AGBL1: variants seen among roughly 807,000 people sequenced by gnomAD.
AGBL1 encodes cytosolic carboxypeptidase 4.
AGBL1 carries 130 observed loss-of-function variants against 118.9 expected under a neutral mutation model. That is an observed-to-expected ratio of 1.09 (90% CI 0.95 to 1.26). AGBL1 has a LOEUF of 1.26. Among genes scored for constraint, AGBL1 ranks in the 50% most tolerant of loss-of-function variants. The pLI is 0.00. For synonymous variants in AGBL1, 555 were observed against 478.9 expected, an observed-to-expected ratio of 1.16 and a Z score of -2.08; for missense variants, 1,584 against 1,298.1, an observed-to-expected ratio of 1.22 and a Z score of -3.38.
At chr15:86,397,276 A>G (rs1425005341) in intron 17 of AGBL1, 90 bp from the exon 18 acceptor site, 1 of 935,078 alleles carries the variant, frequency 1.1e-6, no homozygotes, top group Non-Finnish European at 1.5e-6. Flanking sequence ...AAAAATTAGT[A>G]TCAAAGAAGC....
intron 22 of AGBL1, among the ~76,000 whole-genome samples, chr15:86,842,106 T>C (rs1290839885): frequency 6.6e-6 from 1 of 151,798 alleles, no homozygotes; most frequent in Non-Finnish European, 1.5e-5. Flanking sequence ...AAAAATACAA[T>C]CTAAATTCTT....
intron 18 of AGBL1, among the ~76,000 whole-genome samples, chr15:86,490,887 G>A (rs992797588): frequency 6.6e-6 from 1 of 152,060 alleles, no homozygotes; most frequent in African/African-American, 2.4e-5. Context: ...TGTAACTTCT[G>A]TGAGCTTCAG....
intron 22 of AGBL1, among the ~76,000 whole-genome samples, chr15:86,766,001 A>T (rs769712955): frequency 2.5e-4 from 38 of 151,996 alleles, no homozygotes; most frequent in Non-Finnish European, 4.6e-4. Context: ...TCTAATAGTT[A>T]ATAATAGTAA....
rs1475848747 is a variant in AGBL1 at position 86,389,927 on chromosome 15, TA to T, written c.2375-7437del. ...ATAGCTATATGCCAATATAAATCAT[TA>T]ATTATATCAAATGGAAATTTTGACT... On this transcript the variant is annotated intron_variant, in intron 17 of 22. Transcript: ENST00000614907. Among the ~76,000 whole-genome samples, 3 of 152,148 alleles carry T rather than the reference TA, an allele frequency of 2.0e-5. No individual in the cohort carries two copies. The South Asian group carries it at 6.2e-4, about 31-fold the overall frequency.
chr15:86,272,856 C>T (rs546837671), intron 15 of AGBL1, among the ~76,000 whole-genome samples: 114 of 152,124 alleles, frequency 7.5e-4, no homozygotes, highest in African/African-American at 2.7e-3. Context: ...TGTTGGTTTT[C>T]CATTCACCTA....
At chr15:86,080,200 A>T in intron 1 of AGBL1, 177 bp downstream of exon 1, 1 of 406,858 alleles carries the variant, frequency 2.5e-6, no homozygotes, top group South Asian at 1.4e-4. Flanking sequence ...ATGGAATTCA[A>T]ATATTAAACA....
At chr15:86,976,252 T>A (rs1284695159) in intron 23 of AGBL1, among the ~76,000 whole-genome samples, 1 of 150,784 alleles carries the variant, frequency 6.6e-6, no homozygotes, top group Non-Finnish European at 1.5e-5. Flanking sequence ...GTAGTATATA[T>A]GTATATATAT....
intron 22 of AGBL1, among the ~76,000 whole-genome samples, chr15:86,883,163 T>G (rs1341815533): frequency 6.6e-6 from 1 of 152,250 alleles, no homozygotes; most frequent in Admixed American, 6.5e-5. Flanking sequence ...TTTTTTAAAT[T>G]AAACAGCTAA....
chr15:86,837,252 C>T (rs1202355607), intron 22 of AGBL1, among the ~76,000 whole-genome samples: 2 of 149,708 alleles, frequency 1.3e-5, no homozygotes, highest in Admixed American at 6.7e-5. Flanking sequence ...CCATTTAGTA[C>T]AAAATGACTA....
At chr15:86,646,880 A>G (rs28457099) in intron 21 of AGBL1, among the ~76,000 whole-genome samples, 2,578 of 152,310 alleles carry the variant, frequency 0.017, 69 homozygotes, top group African/African-American at 0.058. Context: ...ACATTCTAAA[A>G]GATATATTTT....
chr15:87,009,556 GA>G (rs2081537206), intron 24 of AGBL1, among the ~76,000 whole-genome samples: 2 of 152,316 alleles, frequency 1.3e-5, no homozygotes, highest in South Asian at 4.1e-4. Flanking sequence ...GTGGAACTGT[GA>G]GAAGAGGCCC....
rs150545430 is a variant in AGBL1 at position 86,905,347 on chromosome 15, G to T, written c.3159-1740G>T. Among the ~76,000 whole-genome samples the T allele has an allele frequency of 1.2e-3, 177 of 152,256 alleles. 2 individuals are homozygous for T. In the East Asian group the frequency reaches 0.029, roughly 25 times the overall value. On this transcript the variant is annotated intron_variant, in intron 22 of 22. Coordinates refer to ENST00000614907, the MANE Select transcript of AGBL1 (RefSeq NM_001386094.1). Reference sequence around the variant, plus strand: ...GGCTCTGTTCATCAATACTCACATTGCACTAATAGGCAAGGGAGCATCATT... The same window carrying T: ...GGCTCTGTTCATCAATACTCACATTTCACTAATAGGCAAGGGAGCATCATT...
At chr15:86,800,598 C>T (rs1182472641) in intron 22 of AGBL1, among the ~76,000 whole-genome samples, 1 of 151,930 alleles carries the variant, frequency 6.6e-6, no homozygotes, top group Non-Finnish European at 1.5e-5. Flanking sequence ...AAAACTGGCC[C>T]TTATGTTTTC....
At chr15:86,136,949 T>C (rs1238073672) in intron 1 of AGBL1, among the ~76,000 whole-genome samples, 1 of 152,188 alleles carries the variant, frequency 6.6e-6, no homozygotes, top group Non-Finnish European at 1.5e-5. Context: ...CATTTTTTTA[T>C]AGGATTTTTT....
At chr15:86,882,132 C>T (rs1229032929) in intron 22 of AGBL1, among the ~76,000 whole-genome samples, 3 of 152,158 alleles carry the variant, frequency 2.0e-5, no homozygotes, top group Admixed American at 2.0e-4. Context: ...CGGTCTAACA[C>T]AGGTCACCAT....
intron 21 of AGBL1, among the ~76,000 whole-genome samples, chr15:86,563,875 C>T (rs542987401): frequency 1.6e-3 from 250 of 152,204 alleles, no homozygotes; most frequent in African/African-American, 5.6e-3. Flanking sequence ...GATCCCTTTA[C>T]CATTATGTAA....
chr15:86,774,908 G>A (rs894143495), intron 22 of AGBL1, among the ~76,000 whole-genome samples: 1 of 152,242 alleles, frequency 6.6e-6, no homozygotes, highest in East Asian at 1.9e-4. Flanking sequence ...GCCATGCTAA[G>A]GAGTGAGGAT....
chr15:86,672,064 C>A (rs1340180146), intron 21 of AGBL1, among the ~76,000 whole-genome samples: 1 of 152,038 alleles, frequency 6.6e-6, no homozygotes, highest in African/African-American at 2.4e-5. Flanking sequence ...AGAGCAAGAC[C>A]CTTTTTCTAA....
chr15:86,807,875 T>C (rs571262234), intron 22 of AGBL1, among the ~76,000 whole-genome samples: 1 of 152,276 alleles, frequency 6.6e-6, no homozygotes, highest in South Asian at 2.1e-4. Context: ...AAACAAGTGT[T>C]ATAGCTGCTA....
Sources: gnomAD v4.1 joint callset for allele counts (sites outside exome capture counted in the v4.1 genomes callset) on GRCh38, gnomAD v4.1.1 for gene constraint, MANE v1.5 for transcripts, NCBI Gene and HGNC (gene_info 2026-07-23, HGNC 2026-07-21) for gene names.